Variants in SLC37A1 observed in about 807,000 individuals in gnomAD.
SLC37A1 encodes solute carrier family 37 member 1.
A neutral mutation model predicts 75.3 loss-of-function variants in SLC37A1; 49 were observed. The ratio of observed to expected loss-of-function variants is 0.65; its 90% confidence interval spans 0.52 to 0.83. The LOEUF is 0.83. Ranked by LOEUF, SLC37A1 falls within the 40% of genes least tolerant of loss-of-function variation. SLC37A1 has a pLI of 0.00. For synonymous variants in SLC37A1, 268 were observed against 292.1 expected, an observed-to-expected ratio of 0.92 and a Z score of 0.84; for missense variants, 566 against 695.0, an observed-to-expected ratio of 0.81 and a Z score of 2.09.
intron 11 of SLC37A1, 67 bp downstream of exon 11, chr21:42,559,156 G>A: frequency 1.3e-6 from 2 of 1,554,584 alleles, no homozygotes; most frequent in Non-Finnish European, 1.7e-6. Context: ...AGTCTGGTCG[G>A]TTGATGATTA....
At position 42,537,546 on chromosome 21, in the gene SLC37A1, G is replaced by A. The variant is rs192493143; in HGVS notation, c.351-1966G>A. Reference sequence around the variant, plus strand: ...GTAATGTCTAGAGACATTTGTGGGTGTCACAGCCAGGGAAGGGATGTTGCT... The same window carrying A: ...GTAATGTCTAGAGACATTTGTGGGTATCACAGCCAGGGAAGGGATGTTGCT... On this transcript the variant is annotated intron_variant, in intron 5 of 19. Transcript: ENST00000352133. Among the ~76,000 whole-genome samples, 794 of 152,236 alleles carry A rather than the reference G, an allele frequency of 5.2e-3. 7 individuals carry two copies. The highest frequency in any genetic ancestry group is 0.016 in the African/African-American group (684 of 41,516).
chr21:42,513,769 G>C (rs917680116), upstream of SLC37A1: 1 of 146,600 alleles, frequency 6.8e-6, no homozygotes, highest in Admixed American at 6.8e-5. Context: ...GGCCGGGGAG[G>C]GGGAGGAGCC....
chr21:42,505,885 G>A (rs1167722315), intron 2 of SLC37A1, among the ~76,000 whole-genome samples: 1 of 152,172 alleles, frequency 6.6e-6, no homozygotes, highest in East Asian at 1.9e-4. Flanking sequence ...TCCTAAGAAT[G>A]AGGACCTCTC....
chr21:42,510,195 T>C (rs2054421041), upstream of SLC37A1, among the ~76,000 whole-genome samples: 1 of 152,196 alleles, frequency 6.6e-6, no homozygotes, highest in South Asian at 2.1e-4. Context: ...GCCCAGCTAA[T>C]TTTTTGTATT....
chr21:42,505,857 C>T (rs1337087125), intron 2 of SLC37A1, among the ~76,000 whole-genome samples: 2 of 152,122 alleles, frequency 1.3e-5, no homozygotes, highest in Non-Finnish European at 2.9e-5. Context: ...TAGTTTTGTA[C>T]CAACTAGATT....
intron 7 of SLC37A1, 100 bp downstream of exon 7, chr21:42,542,580 C>A: frequency 8.6e-7 from 1 of 1,157,006 alleles, no homozygotes; most frequent in Admixed American, 2.1e-5. Flanking sequence ...CTTTAGTATC[C>A]TCTTTAAAAT....
intron 17 of SLC37A1, among the ~76,000 whole-genome samples, chr21:42,571,063 A>C (rs1157031497): frequency 6.6e-6 from 1 of 152,210 alleles, no homozygotes; most frequent in Non-Finnish European, 1.5e-5. Context: ...TGCTCAGTGA[A>C]TGGTCACCAT....
intron 8 of SLC37A1, 114 bp downstream of exon 8, chr21:42,543,716 G>C: frequency 9.3e-7 from 1 of 1,076,080 alleles, no homozygotes; most frequent in Non-Finnish European, 1.3e-6. Context: ...CTGTTTGCCC[G>C]TGGCTGCCTC....
Position 42,568,732 on chromosome 21 carries a change from G to A in SLC37A1, c.1423+294G>A, listed in dbSNP as rs117715882. On this transcript the variant is annotated intron_variant, in intron 17 of 19. Coordinates refer to ENST00000352133, the MANE Select transcript of SLC37A1 (RefSeq NM_001320537.2). ...AACTCAGGTCCACTCATTATTTATC[G>A]CCTTCATCTCAAGAAAGGCAGAATC... Among the ~76,000 whole-genome samples, 81 of 152,302 alleles carry A rather than the reference G, an allele frequency of 5.3e-4. No individual in the cohort carries two copies. The East Asian group carries it at 0.015, about 29-fold the overall frequency.
chr21:42,566,987 A>C lies in SLC37A1; in HGVS notation c.1273A>C (p.Met425Leu), dbSNP rs762865461. ...SKMGLEATIA[M>L]LLLSGALVSG... ...CTTTGCCCCTCTGCCTCCCACAGCC[A>C]TGCTGCTGCTCAGCGGAGCCCTGGT... The change falls in exon 16 of 20, where the codon ATG becomes CTG. Residue 425 changes from methionine (M) to leucine (L), a missense_variant and splice_region_variant. By Grantham distance (15) the Met-to-Leu change is conservative. Coordinates refer to ENST00000352133, the MANE Select transcript of SLC37A1 (RefSeq NM_001320537.2). The C allele has an allele frequency of 2.6e-5, 41 of 1,606,572 alleles. No individual in the cohort carries two copies. In the East Asian group the frequency reaches 9.1e-4, roughly 36 times the overall value.
At chr21:42,575,134 G>T (rs962848002) in intron 18 of SLC37A1, 8 of 985,370 alleles carry the variant, frequency 8.1e-6, no homozygotes, top group African/African-American at 1.7e-5. Context: ...CCTTGGGCGG[G>T]ATAGCACAAA....
At chr21:42,551,770 A>G (rs2055563000) in intron 9 of SLC37A1, among the ~76,000 whole-genome samples, 1 of 152,074 alleles carries the variant, frequency 6.6e-6, no homozygotes, top group African/African-American at 2.4e-5. Context: ...GTGCCTCTTA[A>G]GGCTCTTCTA....
At chr21:42,536,533 A>G (rs1342796149) in intron 5 of SLC37A1, among the ~76,000 whole-genome samples, 2 of 152,180 alleles carry the variant, frequency 1.3e-5, no homozygotes, top group South Asian at 2.1e-4. Flanking sequence ...TATTAGCACA[A>G]TATCTGAGCT....
intron 3 of SLC37A1, among the ~76,000 whole-genome samples, chr21:42,530,198 G>A (rs976755170): frequency 6.6e-6 from 1 of 152,194 alleles, no homozygotes; most frequent in Non-Finnish European, 1.5e-5. Flanking sequence ...GAGGTACTTT[G>A]AGTAAGAAGT....
chr21:42,534,126 G>A (rs1324390438), intron 3 of SLC37A1, among the ~76,000 whole-genome samples: 1 of 152,042 alleles, frequency 6.6e-6, no homozygotes, highest in African/African-American at 2.4e-5. Context: ...CCCCCTTTAG[G>A]TAACCGTGAC....
chr21:42,570,952 C>T (rs1393660727), intron 17 of SLC37A1, among the ~76,000 whole-genome samples: 3 of 152,182 alleles, frequency 2.0e-5, no homozygotes, highest in Admixed American at 1.3e-4. Flanking sequence ...CCTGACTGTC[C>T]GCGGAGCTGC....
At chr21:42,533,308 C>T (rs1173142415) in intron 3 of SLC37A1, among the ~76,000 whole-genome samples, 1 of 152,232 alleles carries the variant, frequency 6.6e-6, no homozygotes, top group Non-Finnish European at 1.5e-5. Flanking sequence ...ACCACAAGGA[C>T]TTCACTTGCC....
upstream of SLC37A1, among the ~76,000 whole-genome samples, chr21:42,512,663 G>C (rs984932347): frequency 5.3e-5 from 8 of 152,370 alleles, no homozygotes; most frequent in Non-Finnish European, 5.9e-5. Flanking sequence ...TGGAGCCCTG[G>C]GCCATCCCGC....
At chr21:42,506,284 T>G (rs74840266) in intron 2 of SLC37A1, among the ~76,000 whole-genome samples, 8,046 of 152,282 alleles carry the variant, frequency 0.053, 663 homozygotes, top group African/African-American at 0.18. Flanking sequence ...TAACAGGATT[T>G]ATATTAAGGA....
Sources: allele counts gnomAD v4.1 joint callset (sites outside exome capture counted in the v4.1 genomes callset), GRCh38; gene constraint gnomAD v4.1.1; transcripts MANE v1.5; gene names NCBI Gene and HGNC (gene_info 2026-07-23, HGNC 2026-07-21).